Variants in PKHD1 observed in about 807,000 individuals in gnomAD.
PKHD1 encodes fibrocystin.
Under a neutral mutation model 412.0 loss-of-function variants are expected in PKHD1, and 291 were observed. That is an observed-to-expected ratio of 0.71 (90% CI 0.64 to 0.78). The LOEUF (loss-of-function observed/expected upper bound fraction) is 0.78. Ranked by LOEUF, PKHD1 falls within the 30% of genes least tolerant of loss-of-function variation. The pLI is 0.00. For missense variants in PKHD1, 4,825 were observed against 4,950.7 expected (o/e 0.97, Z 0.76); for synonymous variants, 1,777 against 1,821.5 (o/e 0.98, Z 0.62).
In PKHD1 at chr6:52,054,103, G is replaced by T. The variant is rs751853495; in HGVS notation, c.1899C>A (p.Ile633=). 6.2e-7 allele frequency: 1 copy of T among 1,613,668 alleles called. No homozygotes were observed. ...TATTCTTTACCATGTTTTGAAAGCC[G>T]ATTGTGAAGGACACAATCATCTTCA... The part of the protein sequence containing the change: ...KILKMIVSFT[I]GFQNMVKNTT... The change falls in exon 20 of 67, where the codon ATC becomes ATA. Residue 633 remains isoleucine, a synonymous_variant. Transcript: ENST00000371117.
chr6:51,784,437 G>A (rs952949139), intron 53 of PKHD1, among the ~76,000 whole-genome samples: 10 of 152,094 alleles, frequency 6.6e-5, no homozygotes, highest in Non-Finnish European at 1.2e-4. Context: ...CGAGACAGAC[G>A]TTTCAAACAA....
intron 5 of PKHD1, among the ~76,000 whole-genome samples, chr6:52,079,510 C>T (rs931748202): frequency 3.9e-5 from 6 of 152,156 alleles, no homozygotes; most frequent in Admixed American, 6.6e-5. Context: ...GGTGGCCCCT[C>T]TATGGGCTTC....
At chr6:51,790,020 AT>A (rs1383045134) in intron 53 of PKHD1, among the ~76,000 whole-genome samples, 3 of 152,176 alleles carry the variant, frequency 2.0e-5, no homozygotes, top group Non-Finnish European at 4.4e-5. Flanking sequence ...CAAGAAAAGG[AT>A]TGACCATATT....
intron 46 of PKHD1, among the ~76,000 whole-genome samples, chr6:51,880,738 C>T (rs1287403584): frequency 2.5e-5 from 1 of 40,632 alleles, no homozygotes; most frequent in Non-Finnish European, 3.8e-5. Context: ...GCACAATGTG[C>T]ACATGTACCC....
At chr6:51,881,430 A>G (rs1777334262) in intron 46 of PKHD1, among the ~76,000 whole-genome samples, 1 of 152,286 alleles carries the variant, frequency 6.6e-6, no homozygotes, top group African/African-American at 2.4e-5. Flanking sequence ...TGTACATTAC[A>G]TCTCTGGATT....
intron 35 of PKHD1, among the ~76,000 whole-genome samples, chr6:52,001,860 A>G (rs959349238): frequency 1.3e-5 from 2 of 152,224 alleles, no homozygotes; most frequent in African/African-American, 4.8e-5. Flanking sequence ...AAACAATTAT[A>G]TAAATTGTGA....
At chr6:51,835,231 A>G (rs1232168320) in intron 51 of PKHD1, among the ~76,000 whole-genome samples, 1 of 152,172 alleles carries the variant, frequency 6.6e-6, no homozygotes, top group South Asian at 2.1e-4. Context: ...AGATGGTTGA[A>G]CCAAGAATGG....
intron 6 of PKHD1, 51 bp from the exon 7 acceptor site, chr6:52,073,592 G>A (rs774501480): frequency 2.8e-6 from 3 of 1,052,816 alleles, no homozygotes; most frequent in South Asian, 2.5e-5. Context: ...CAAACTCAAT[G>A]TATAATAAAA....
At chr6:51,700,897 C>A (rs562348845) in intron 60 of PKHD1, among the ~76,000 whole-genome samples, 1 of 152,210 alleles carries the variant, frequency 6.6e-6, no homozygotes, top group East Asian at 1.9e-4. Flanking sequence ...TCAGTCCACC[C>A]TAATTGATTG....
chr6:51,762,291 C>T (rs958718474), intron 55 of PKHD1, among the ~76,000 whole-genome samples: 8 of 152,156 alleles, frequency 5.3e-5, no homozygotes, highest in South Asian at 2.1e-4. Context: ...GATTGGTTGA[C>T]AAAGTAACCA....
intron 35 of PKHD1, among the ~76,000 whole-genome samples, chr6:51,963,765 G>A (rs1792411459): frequency 6.6e-6 from 1 of 152,082 alleles, no homozygotes; most frequent in Non-Finnish European, 1.5e-5. Context: ...AAGATTTTGT[G>A]AATATATTTG....
intron 21 of PKHD1, among the ~76,000 whole-genome samples, chr6:52,051,823 C>A (rs1806888455): frequency 1.7e-5 from 1 of 58,418 alleles, no homozygotes. Flanking sequence ...TCACCAAAGA[C>A]CCCCAGCCAG....
chr6:51,874,066 G>A (rs961828614), intron 46 of PKHD1, among the ~76,000 whole-genome samples: 3 of 152,010 alleles, frequency 2.0e-5, no homozygotes, highest in Admixed American at 6.6e-5. Context: ...AAAGATGAAA[G>A]GTCTAAATTG....
chr6:52,033,891 G>T (rs184788485), intron 28 of PKHD1, among the ~76,000 whole-genome samples: 1 of 152,026 alleles, frequency 6.6e-6, no homozygotes, highest in Non-Finnish European at 1.5e-5. Flanking sequence ...CATTTTGGGA[G>T]GCCGAGGCGG....
intron 60 of PKHD1, among the ~76,000 whole-genome samples, chr6:51,735,762 C>A (rs981939287): frequency 6.6e-6 from 1 of 151,542 alleles, no homozygotes; most frequent in Non-Finnish European, 1.5e-5. Context: ...CTCATCTCTA[C>A]GAAAAATTTT....
intron 54 of PKHD1, among the ~76,000 whole-genome samples, chr6:51,773,069 A>T (rs1790420543): frequency 6.6e-6 from 1 of 152,054 alleles, no homozygotes; most frequent in East Asian, 1.9e-4. Context: ...CACTCTAATG[A>T]CTAAAGTTGA....
At chr6:51,689,185 G>T (rs1777842774) in intron 60 of PKHD1, among the ~76,000 whole-genome samples, 1 of 152,184 alleles carries the variant, frequency 6.6e-6, no homozygotes, top group African/African-American at 2.4e-5. Context: ...TGCAAGATTG[G>T]TTCAACATAT....
chr6:51,651,315 C>A (rs2150376240), intron 61 of PKHD1, among the ~76,000 whole-genome samples: 1 of 152,226 alleles, frequency 6.6e-6, no homozygotes, highest in South Asian at 2.1e-4. Flanking sequence ...GTAGGTGGTA[C>A]TGTTTTTTAC....
At chr6:51,641,145 G>A (rs1769292650) in intron 63 of PKHD1, among the ~76,000 whole-genome samples, 1 of 152,094 alleles carries the variant, frequency 6.6e-6, no homozygotes, top group South Asian at 2.1e-4. Flanking sequence ...TTGGTGACAT[G>A]GGTATGCTAA....
Sources: allele counts gnomAD v4.1 joint callset (sites outside exome capture counted in the v4.1 genomes callset), GRCh38; gene constraint gnomAD v4.1.1; transcripts MANE v1.5; gene names NCBI Gene and HGNC (gene_info 2026-07-23, HGNC 2026-07-21).